Variants in PDZRN3 observed in about 807,000 individuals in gnomAD.
PDZRN3 encodes E3 ubiquitin-protein ligase PDZRN3.
In PDZRN3, 38 loss-of-function variants were observed where a neutral mutation model predicts 85.7. The observed-to-expected ratio is 0.44, with a 90% CI of 0.34 to 0.58. The LOEUF (loss-of-function observed/expected upper bound fraction) is 0.58, where lower values mean the gene tolerates loss of function less well. Among genes scored for constraint, PDZRN3 ranks in the 20% least tolerant of loss-of-function variants. The pLI, the probability that PDZRN3 is intolerant of heterozygous loss-of-function variation, is 0.01. For synonymous variants in PDZRN3, 759 were observed against 638.0 expected, an observed-to-expected ratio of 1.19 and a Z score of -2.86; for missense variants, 1,629 against 1,506.4, an observed-to-expected ratio of 1.08 and a Z score of -1.35.
rs183872692 is a variant in PDZRN3 at position 73,464,733 on chromosome 3, A to T, written c.919-60338T>A. On this transcript the variant is annotated intron_variant, in intron 3 of 9. Transcript: ENST00000263666. ...AAATCTGGAACCTAGATTCTGCTCT[A>T]AATTTTTTATTGACAGATAAGATTG... Among the ~76,000 whole-genome samples the T allele has an allele frequency of 3.4e-3, 524 of 152,312 alleles. 2 individuals carry two copies. Among genetic ancestry groups the T allele is most frequent in the Admixed American group, 5.6e-3 (85 of 15,302 alleles).
chr3:73,596,671 C>A (rs1702434820), intron 3 of PDZRN3, among the ~76,000 whole-genome samples: 1 of 152,052 alleles, frequency 6.6e-6, no homozygotes, highest in African/African-American at 2.4e-5. Context: ...AAGGGACAGT[C>A]CAGAAAAGAT....
chr3:73,522,119 T>A (rs1704381949), intron 3 of PDZRN3, among the ~76,000 whole-genome samples: 1 of 152,242 alleles, frequency 6.6e-6, no homozygotes, highest in South Asian at 2.1e-4. Flanking sequence ...ACTTTCATCT[T>A]GTCGACGGCC....
chr3:73,547,150 T>A lies in PDZRN3; in HGVS notation c.918+55204A>T, dbSNP rs531745205. The stretch of plus-strand genomic sequence containing the variant: ...TTGAATGGCTTTCCATAATTCATCA[T>A]CCTAGGATAGAGGAGAAAAAATACC... On this transcript the variant is annotated intron_variant, in intron 3 of 9. Transcript: ENST00000263666. Among the ~76,000 whole-genome samples the A allele has an allele frequency of 7.2e-5, 11 of 152,308 alleles. No individual in the cohort carries two copies. In the South Asian group the frequency reaches 1.2e-3, roughly 17 times the overall value.
chr3:73,524,415 A>C (rs928981222), intron 3 of PDZRN3, among the ~76,000 whole-genome samples: 1 of 152,218 alleles, frequency 6.6e-6, no homozygotes, highest in African/African-American at 2.4e-5. Flanking sequence ...GTTCCCTCTG[A>C]GTAACAAATT....
chr3:73,548,404 C>T (rs2106798026), intron 3 of PDZRN3, among the ~76,000 whole-genome samples: 1 of 152,296 alleles, frequency 6.6e-6, no homozygotes, highest in South Asian at 2.1e-4. Flanking sequence ...GCAGCATGTC[C>T]CTGAGAGGTG....
chr3:73,606,177 C>G (rs1427959155), intron 2 of PDZRN3, among the ~76,000 whole-genome samples: 1 of 152,146 alleles, frequency 6.6e-6, no homozygotes, highest in African/African-American at 2.4e-5. Context: ...GGTTTGGGTT[C>G]TTTTGTTTGC....
At chr3:73,540,265 AT>A (rs1475164447) in intron 3 of PDZRN3, among the ~76,000 whole-genome samples, 1 of 152,188 alleles carries the variant, frequency 6.6e-6, no homozygotes, top group Admixed American at 6.5e-5. Context: ...CTAAAAAAAA[AT>A]GTTATGAATG....
At chr3:73,488,148 G>A (rs893333730) in intron 3 of PDZRN3, among the ~76,000 whole-genome samples, 2 of 152,106 alleles carry the variant, frequency 1.3e-5, no homozygotes, top group African/African-American at 4.8e-5. Context: ...ATGAAACCCC[G>A]TTTTAAGGAA....
intron 3 of PDZRN3, among the ~76,000 whole-genome samples, chr3:73,435,229 C>T (rs1028017998): frequency 6.6e-6 from 1 of 152,020 alleles, no homozygotes; most frequent in Non-Finnish European, 1.5e-5. Flanking sequence ...TCTCAGACAC[C>T]GAAGACGAGG....
chr3:73,565,786 A>AACACACAC (rs61564723), intron 3 of PDZRN3, among the ~76,000 whole-genome samples: 884 of 37,820 alleles, frequency 0.023, 12 homozygotes, highest in African/African-American at 0.038. Flanking sequence ...AAAAATACAA[A>AACACACAC]ACACACACAC....
chr3:73,385,173 T>C (rs1489683450), intron 9 of PDZRN3, among the ~76,000 whole-genome samples: 2 of 152,200 alleles, frequency 1.3e-5, no homozygotes, highest in Admixed American at 1.3e-4. Context: ...TAATAGTCAC[T>C]TTATCTCAAT....
intron 3 of PDZRN3, among the ~76,000 whole-genome samples, chr3:73,470,315 G>A (rs1703310648): frequency 6.6e-6 from 1 of 152,170 alleles, no homozygotes; most frequent in African/African-American, 2.4e-5. Context: ...ACTATATAGT[G>A]TTAGATAACT....
chr3:73,602,420 G>A lies in PDZRN3; in HGVS notation c.852C>T (p.Ser284=). The A allele has an allele frequency of 6.2e-7, 1 of 1,609,408 alleles. No individual in the cohort carries two copies. Among genetic ancestry groups the A allele is most frequent in the Non-Finnish European group, 8.5e-7 (1 of 1,175,880 alleles). ...DGSSSEGIFV[S]KIVDSGPAAK... Reference sequence around the variant, plus strand: ...CTGCAGGCCCACTGTCAACTATCTTGGATACAAAGATTCCTTCACTGGATG... The same window carrying A: ...CTGCAGGCCCACTGTCAACTATCTTAGATACAAAGATTCCTTCACTGGATG... Residue 284 remains serine (S), a synonymous_variant, in exon 3 of 10, where the codon TCC becomes TCT. Transcript: ENST00000263666.
intron 3 of PDZRN3, among the ~76,000 whole-genome samples, chr3:73,499,065 G>A (rs763309494): frequency 3.9e-4 from 60 of 152,098 alleles, no homozygotes; most frequent in Non-Finnish European, 6.3e-4. Context: ...CCCAGTGGCC[G>A]GTGACACCGC....
chr3:73,509,073 G>C (rs1423009400), intron 3 of PDZRN3, among the ~76,000 whole-genome samples: 1 of 152,206 alleles, frequency 6.6e-6, no homozygotes, highest in African/African-American at 2.4e-5. Context: ...TCTGGTGTTG[G>C]TGTTTAACTC....
chr3:73,575,038 GTAAGT>G (rs1442657704), intron 3 of PDZRN3, among the ~76,000 whole-genome samples: 1 of 152,190 alleles, frequency 6.6e-6, no homozygotes, highest in Non-Finnish European at 1.5e-5. Context: ...AAAAAAGTTA[GTAAGT>G]TAATACAGCA....
chr3:73,548,428 C>G (rs1004288363), intron 3 of PDZRN3, among the ~76,000 whole-genome samples: 4 of 152,162 alleles, frequency 2.6e-5, no homozygotes, highest in Admixed American at 6.5e-5. Flanking sequence ...ACTCTGTATG[C>G]TGAAGCAAAG....
At chr3:73,621,000 G>A (rs145576319) in intron 1 of PDZRN3, among the ~76,000 whole-genome samples, 1 of 152,366 alleles carries the variant, frequency 6.6e-6, no homozygotes, top group African/African-American at 2.4e-5. Flanking sequence ...CTACCTGAGC[G>A]TAAGCTCTTC....
At chr3:73,614,284 A>G (rs891040467) in intron 1 of PDZRN3, among the ~76,000 whole-genome samples, 11 of 152,206 alleles carry the variant, frequency 7.2e-5, no homozygotes, top group Admixed American at 3.3e-4. Context: ...AAGAATGTGA[A>G]CCATCTATTG....
Sources: allele counts gnomAD v4.1 joint callset (sites outside exome capture counted in the v4.1 genomes callset), GRCh38; gene constraint gnomAD v4.1.1; transcripts MANE v1.5; gene names NCBI Gene and HGNC (gene_info 2026-07-23, HGNC 2026-07-21).